The following IFT25 variants were observed in gnomAD, a reference collection of about 807,000 sequenced individuals.
IFT25 encodes intraflagellar transport protein 25 homolog.
chr1:53,939,959 AAAC>A, the IFT25 span: 3 of 1,339,622 alleles, frequency 2.2e-6, no homozygotes, highest in Non-Finnish European at 3.2e-6. Context: ...TTAAGACTGT[AAAC>A]AACAAAGTAT....
the IFT25 span, among the ~76,000 whole-genome samples, chr1:53,934,371 C>T: frequency 6.6e-6 from 1 of 152,224 alleles, no homozygotes; most frequent in Non-Finnish European, 1.5e-5. Flanking sequence ...GATGTAAAGT[C>T]AGCTGTCATT....
the IFT25 span, among the ~76,000 whole-genome samples, chr1:53,933,519 C>G: frequency 6.6e-6 from 1 of 152,154 alleles, no homozygotes; most frequent in Non-Finnish European, 1.5e-5. Flanking sequence ...ATATTTTTGT[C>G]TGACATGAAT....
At chr1:53,916,390 A>G in the IFT25 span, among the ~76,000 whole-genome samples, 3 of 152,204 alleles carry the variant, frequency 2.0e-5, no homozygotes, top group African/African-American at 7.2e-5. Context: ...ACAGTCATCA[A>G]TTGTTTCCTG....
the IFT25 span, among the ~76,000 whole-genome samples, chr1:53,943,458 G>A: frequency 6.7e-6 from 1 of 148,586 alleles, no homozygotes; most frequent in Admixed American, 6.6e-5. Context: ...AACATCTGAA[G>A]TTTTAACTGT....
At chr1:53,928,693 G>A in the IFT25 span, 1 of 390,856 alleles carries the variant, frequency 2.6e-6, no homozygotes, top group Admixed American at 4.3e-5. Context: ...ATTTGGCATT[G>A]TTCCGATTTT....
the IFT25 span, among the ~76,000 whole-genome samples, chr1:53,930,976 A>G: frequency 1.3e-5 from 2 of 152,192 alleles, no homozygotes; most frequent in African/African-American, 4.8e-5. Flanking sequence ...CCTACAGTGG[A>G]ATTTACCTTA....
the IFT25 span, among the ~76,000 whole-genome samples, chr1:53,943,976 A>C: frequency 6.6e-6 from 1 of 152,188 alleles, no homozygotes; most frequent in African/African-American, 2.4e-5. Context: ...GGAGCAGATG[A>C]ATAGGAAAGA....
chr1:53,923,810 T>C, the IFT25 span: 1 of 800,550 alleles, frequency 1.2e-6, no homozygotes, highest in East Asian at 2.5e-5. Flanking sequence ...TATAATATCA[T>C]GAGGAAATTT....
chr1:53,918,495 T>C, the IFT25 span, among the ~76,000 whole-genome samples: 2 of 152,194 alleles, frequency 1.3e-5, no homozygotes, highest in Non-Finnish European at 2.9e-5. Flanking sequence ...TCAATTATTC[T>C]TCATCTCATT....
chr1:53,922,281 C>G, the IFT25 span, among the ~76,000 whole-genome samples: 1 of 151,900 alleles, frequency 6.6e-6, no homozygotes, highest in East Asian at 1.9e-4. Context: ...GTAATCCCAG[C>G]TACTTGAGAG....
chr1:53,926,527 GT>G, the IFT25 span, among the ~76,000 whole-genome samples: 1 of 151,998 alleles, frequency 6.6e-6, no homozygotes, highest in African/African-American at 2.4e-5. Flanking sequence ...AAAAATAGTG[GT>G]TTAATATAAT....
At chr1:53,924,830 C>G in the IFT25 span, among the ~76,000 whole-genome samples, 1 of 152,112 alleles carries the variant, frequency 6.6e-6, no homozygotes, top group Non-Finnish European at 1.5e-5. Context: ...GGGCAAGACT[C>G]CATCTCAAAA....
the IFT25 span, among the ~76,000 whole-genome samples, chr1:53,918,775 C>T: frequency 6.6e-6 from 1 of 152,180 alleles, no homozygotes; most frequent in South Asian, 2.1e-4. Context: ...AAAATCACAT[C>T]AGGAAGCATA....
the IFT25 span, among the ~76,000 whole-genome samples, chr1:53,937,409 C>T: frequency 2.0e-5 from 3 of 152,142 alleles, no homozygotes; most frequent in Non-Finnish European, 2.9e-5. Flanking sequence ...TGAGCCACCG[C>T]GCCTGGCCAG....
chr1:53,914,577 A>G, the IFT25 span, among the ~76,000 whole-genome samples: 2 of 152,176 alleles, frequency 1.3e-5, no homozygotes, highest in African/African-American at 4.8e-5. Flanking sequence ...TCTGTCTTAT[A>G]AACATCATTG....
the IFT25 span, among the ~76,000 whole-genome samples, chr1:53,915,225 A>T: frequency 6.6e-6 from 1 of 152,218 alleles, no homozygotes; most frequent in South Asian, 2.1e-4. Context: ...TCATGAGCAG[A>T]AGCAAAAAAA....
the IFT25 span, among the ~76,000 whole-genome samples, chr1:53,940,931 G>A: frequency 6.6e-6 from 1 of 151,692 alleles, no homozygotes; most frequent in Non-Finnish European, 1.5e-5. Flanking sequence ...TGTAATCCCA[G>A]AACTTTGGGA....
chr1:53,938,551 T>G, the IFT25 span, among the ~76,000 whole-genome samples: 1 of 152,198 alleles, frequency 6.6e-6, no homozygotes, highest in Non-Finnish European at 1.5e-5. Context: ...CTTCAAGATA[T>G]GCAAAGAATC....
At chr1:53,918,811 G>A in the IFT25 span, among the ~76,000 whole-genome samples, 1 of 152,050 alleles carries the variant, frequency 6.6e-6, no homozygotes, top group African/African-American at 2.4e-5. Flanking sequence ...GTAGATTGTA[G>A]CATTAATGGC....
Sources: allele counts gnomAD v4.1 joint callset (sites outside exome capture counted in the v4.1 genomes callset), GRCh38; gene constraint gnomAD v4.1.1; transcripts MANE v1.5; gene names NCBI Gene and HGNC (gene_info 2026-07-23, HGNC 2026-07-21).